Variants in CTSV observed in about 807,000 individuals in gnomAD.
CTSV encodes cathepsin L2.
A neutral mutation model predicts 35.6 loss-of-function variants in CTSV; 33 were observed. That is an observed-to-expected ratio of 0.93 (90% confidence interval 0.70 to 1.24). The LOEUF (loss-of-function observed/expected upper bound fraction) is 1.24. Ranked by LOEUF, CTSV falls within the 50% of genes most tolerant of loss-of-function variation. CTSV has a pLI of 0.00. For missense variants in CTSV, 408 were observed against 413.1 expected, an observed-to-expected ratio of 0.99 and a Z score of 0.11; for synonymous variants, 154 against 147.1, an observed-to-expected ratio of 1.05 and a Z score of -0.34.
chr9:97,036,459 T>C (rs1281054615), intron 5 of CTSV, 64 bp downstream of exon 5: 1 of 1,120,946 alleles, frequency 8.9e-7, no homozygotes, highest in Admixed American at 1.8e-5. Flanking sequence ...GTATCTGTTA[T>C]CTCTGAAAGT....
chr9:97,036,343 T>A (rs1828849663), intron 5 of CTSV, 180 bp downstream of exon 5: 1 of 639,872 alleles, frequency 1.6e-6, no homozygotes, highest in Admixed American at 2.4e-5. Context: ...ACTGCTGGGA[T>A]TACAGGTGAT....
At chr9:97,033,995 G>C (rs1418045398) in intron 7 of CTSV, among the ~76,000 whole-genome samples, 1 of 152,144 alleles carries the variant, frequency 6.6e-6, no homozygotes, top group Non-Finnish European at 1.5e-5. Flanking sequence ...TACTTGGGAG[G>C]CTGAGGCAGG....
chr9:97,036,508 A>G lies in CTSV; in HGVS notation c.621+15T>C. 6.4e-7 allele frequency: 1 copy of G among 1,567,398 alleles called. No individual in the cohort carries two copies. The highest frequency in any genetic ancestry group is 8.8e-7 in the Non-Finnish European group (1 of 1,137,384). ...AAAGCAGAGCACGAATGACAAGATA[A>G]GGAGCTCCATTTACCACTGCTACAT... is the stretch of plus-strand genomic sequence containing the variant. On this transcript the variant is annotated intron_variant, in intron 5 of 7. Coordinates refer to ENST00000259470, the MANE Select transcript of CTSV (RefSeq NM_001333.4).
rs895234734 is a variant in CTSV, at chr9:97,032,731, T to C, written c.*218A>G. On this transcript the variant is annotated 3_prime_UTR_variant, in exon 8 of 8. Transcript: ENST00000259470. Reference sequence around the variant, plus strand: ...AAATGAAAATTCAAAAGTCTTAGAATTAAGCAATGAGTCTTTGATATCATA... The same window carrying C: ...AAATGAAAATTCAAAAGTCTTAGAACTAAGCAATGAGTCTTTGATATCATA... The C allele has an allele frequency of 5.0e-6, 2 of 399,662 alleles. No individual in the cohort carries two copies. The highest frequency in any genetic ancestry group is 8.8e-6 in the Non-Finnish European group (2 of 227,168). The allele number at this position is 399,662 out of a possible 1,614,324, so 24.8% of individuals were successfully genotyped here. A position where few individuals can be genotyped will look rare whatever the true frequency, so the allele number is the denominator to read the frequency against.
In CTSV at chr9:97,030,730, ATTGT is replaced by A. The variant is rs1163974239; in HGVS notation, c.*2215_*2218del. The A allele has an allele frequency of 6.6e-6, 1 of 152,152 alleles. No homozygotes were observed. The highest frequency in any genetic ancestry group is 1.5e-5 in the Non-Finnish European group (1 of 68,016). 9.4% of individuals were successfully genotyped at this position (152,152 alleles called of 1,614,324 possible). ...CCTTAAGGCACAGATCGCTCATGCT[ATTGT>A]TTGTAGTTTAGGAACGCCTTTAAGC... On this transcript the variant is annotated 3_prime_UTR_variant, in exon 8 of 8. Coordinates refer to ENST00000259470, the MANE Select transcript of CTSV (RefSeq NM_001333.4).
intron 5 of CTSV, 119 bp downstream of exon 5, chr9:97,036,404 T>G (rs764139689): frequency 1.3e-6 from 1 of 787,414 alleles, no homozygotes; most frequent in South Asian, 1.5e-5. Context: ...TACTCACGGT[T>G]TGCAGATGTA....
chr9:97,037,832 C>G (rs1393605154), intron 2 of CTSV, 86 bp downstream of exon 2: 4 of 1,551,502 alleles, frequency 2.6e-6, no homozygotes, highest in Non-Finnish European at 3.5e-6. Context: ...GGTCTGGTGT[C>G]TAGAAGCTAC....
chr9:97,036,093 T>C (rs1828844185), intron 5 of CTSV, among the ~76,000 whole-genome samples: 1 of 150,504 alleles, frequency 6.6e-6, no homozygotes. Flanking sequence ...TTTTTTGAGA[T>C]GGAGTCTCGC....
chr9:97,037,111 C>A, intron 4 of CTSV, 141 bp downstream of exon 4: 1 of 893,090 alleles, frequency 1.1e-6, no homozygotes, highest in South Asian at 1.8e-5. Flanking sequence ...CCGTCTCAAA[C>A]AAGCAAACAA....
chr9:97,038,478 A>C (rs1364472292), intron 1 of CTSV: 1 of 161,282 alleles, frequency 6.2e-6, no homozygotes, highest in Non-Finnish European at 1.4e-5. Flanking sequence ...GATACACAGC[A>C]GGAGATGAGC....
chr9:97,034,671 G>A, intron 7 of CTSV, 55 bp downstream of exon 7: 3 of 1,318,406 alleles, frequency 2.3e-6, no homozygotes, highest in Non-Finnish European at 3.3e-6. Context: ...TTGTGAACTT[G>A]TATCCAAATA....
At chr9:97,036,005 C>T (rs1359811814) in intron 5 of CTSV, among the ~76,000 whole-genome samples, 2 of 152,102 alleles carry the variant, frequency 1.3e-5, no homozygotes, top group Non-Finnish European at 1.5e-5. Flanking sequence ...TGTTAACCAT[C>T]TAATGGTACT....
intron 1 of CTSV, among the ~76,000 whole-genome samples, chr9:97,038,710 C>G (rs1438679078): frequency 1.3e-5 from 2 of 152,102 alleles, no homozygotes; most frequent in Non-Finnish European, 2.9e-5. Context: ...TCCGGGCGGG[C>G]CAGGACCGGG....
chr9:97,038,196 G>T, intron 1 of CTSV, 143 bp from the exon 2 acceptor site: 1 of 854,350 alleles, frequency 1.2e-6, no homozygotes, highest in Non-Finnish European at 1.7e-6. Context: ...GCCAAGTGGA[G>T]GTATTTGATG....
rs144290153 is a variant in CTSV at position 97,030,841 on chromosome 9, C to T, written c.*2108G>A. The T allele has an allele frequency of 8.6e-4, 131 of 152,264 alleles. No individual in the cohort carries two copies. Among genetic ancestry groups the T allele is most frequent in the Middle Eastern group, 3.4e-3 (1 of 294 alleles). 9.4% of individuals were successfully genotyped at this position (152,264 alleles called of 1,614,324 possible). On this transcript the variant is annotated 3_prime_UTR_variant, in exon 8 of 8. Coordinates refer to ENST00000259470, the MANE Select transcript of CTSV (RefSeq NM_001333.4). ...AGCATGGCGTCATGGCCATCATGAA[C>T]CTGTCACAGTACTGCAGAGATTTTG... is the stretch of plus-strand genomic sequence containing the variant.
At position 97,032,978 on chromosome 9, in the gene CTSV, C is replaced by T. The variant is rs764260070; in HGVS notation, c.976G>A (p.Ala326Thr). 3.1e-6 allele frequency: 5 copies of T among 1,612,816 alleles called. No homozygotes were observed. The highest frequency in any genetic ancestry group is 3.3e-5 in the Admixed American group (2 of 59,830). ...AKDKNNHCGI[A>T]TAASYPNV ...ACATTGGGGTAGCTGGCTGCTGTGG[C>T]GATTCCACAGTGGTTGTTCTTGTCT... Residue 326 changes from alanine to threonine, a missense_variant, in exon 8 of 8, where the codon GCC (alanine) becomes ACC (threonine). Ala to Thr is a moderately conservative substitution (Grantham distance 58, BLOSUM62 0). Coordinates refer to ENST00000259470, the MANE Select transcript of CTSV (RefSeq NM_001333.4).
rs1196493332 is a variant in CTSV at position 97,037,317 on chromosome 9, A to C, written c.331T>G (p.Phe111Val). The C allele has an allele frequency of 6.2e-7, 1 of 1,614,202 alleles. No homozygotes were observed. Among genetic ancestry groups the C allele is most frequent in the Non-Finnish European group, 8.5e-7 (1 of 1,180,030 alleles). Residue 111 changes from phenylalanine (F) to valine (V), a missense_variant, in exon 4 of 8, where the codon TTT (phenylalanine) becomes GTT (valine). Physicochemically the swap from Phe to Val is conservative, Grantham distance 50. Coordinates refer to ENST00000259470, the MANE Select transcript of CTSV (RefSeq NM_001333.4). Reference sequence around the variant, plus strand: ...TCCACAGATTTGGGAAGATCAAGAAACAGAGGCTCACGGAACACTTTCCCC... The same window carrying C: ...TCCACAGATTTGGGAAGATCAAGAACCAGAGGCTCACGGAACACTTTCCCC... ...RKGKVFREPL[F>V]LDLPKSVDWR...
In CTSV at chr9:97,030,534, G is replaced by C. The variant is rs540915244; in HGVS notation, c.*2415C>G. The C allele has an allele frequency of 6.6e-6, 1 of 152,182 alleles. No individual in the cohort carries two copies. Among genetic ancestry groups the C allele is most frequent in the South Asian group, 2.1e-4 (1 of 4,822 alleles). 9.4% of individuals were successfully genotyped at this position (152,182 alleles called of 1,614,324 possible). On this transcript the variant is annotated 3_prime_UTR_variant, in exon 8 of 8. Coordinates refer to ENST00000259470, the MANE Select transcript of CTSV (RefSeq NM_001333.4). ...TATAGCATGCAGAGTGGGAAATCAGGGGACTCACAGCTTTCAGAGCTGAGA... is the reference window on the plus strand; with the variant it reads ...TATAGCATGCAGAGTGGGAAATCAGCGGACTCACAGCTTTCAGAGCTGAGA...
At position 97,037,561 on chromosome 9, in the gene CTSV, G is replaced by C. The variant is rs946671272; in HGVS notation, c.181C>G (p.Leu61Val). 6 of 1,614,156 alleles carry C rather than the reference G, an allele frequency of 3.7e-6. No individual in the cohort carries two copies. The highest frequency in any genetic ancestry group is 5.1e-6 in the Non-Finnish European group (6 of 1,180,026). Residue 61 changes from leucine (L) to valine (V), a missense_variant, in exon 3 of 8, where the codon CTG (leucine) becomes GTG (valine). Coordinates refer to ENST00000259470, the MANE Select transcript of CTSV (RefSeq NM_001333.4). ...VWEKNMKMIE[L>V]HNGEYSQGKH... is the part of the protein sequence containing the mutation. Reference sequence around the variant, plus strand: ...CCTTGGCTGTATTCCCCATTGTGCAGTTCAATCATTTTCATATTCTTTTCC... The same window carrying C: ...CCTTGGCTGTATTCCCCATTGTGCACTTCAATCATTTTCATATTCTTTTCC...
Sources: gnomAD v4.1 joint callset for allele counts (sites outside exome capture counted in the v4.1 genomes callset) on GRCh38, gnomAD v4.1.1 for gene constraint, MANE v1.5 for transcripts, NCBI Gene and HGNC (gene_info 2026-07-23, HGNC 2026-07-21) for gene names.